Variants in GPR158 observed in about 807,000 individuals in gnomAD.
GPR158 encodes the protein G protein-coupled receptor 158, also known as metabotropic glycine receptor.
A neutral mutation model predicts 78.2 loss-of-function variants in GPR158; 30 were observed. That is an observed-to-expected ratio of 0.38 (90% CI 0.29 to 0.52). GPR158 has a LOEUF of 0.52. GPR158 is among the 20% of genes least tolerant of loss of function. The pLI, the probability that GPR158 is intolerant of heterozygous loss-of-function variation, is 0.83. For missense variants in GPR158, 1,463 were observed against 1,523.5 expected (o/e 0.96, Z 0.66); for synonymous variants, 581 against 591.1 (o/e 0.98, Z 0.25).
intron 4 of GPR158, among the ~76,000 whole-genome samples, chr10:25,418,935 A>C (rs538936082): frequency 1.3e-5 from 2 of 151,542 alleles, no homozygotes; most frequent in Non-Finnish European, 2.9e-5. Context: ...TTTAATAACA[A>C]TGCTAATTTT....
intron 4 of GPR158, among the ~76,000 whole-genome samples, chr10:25,444,578 G>A (rs962537401): frequency 4.1e-5 from 6 of 147,886 alleles, no homozygotes; most frequent in African/African-American, 1.1e-4. Context: ...GTGTGGAGGA[G>A]TGTGTGGGAG....
intron 2 of GPR158, among the ~76,000 whole-genome samples, chr10:25,384,287 G>A (rs1041278244): frequency 2.0e-5 from 3 of 152,060 alleles, no homozygotes; most frequent in African/African-American, 4.8e-5. Context: ...TGAAAACTAA[G>A]CATAAGAACT....
intron 2 of GPR158, among the ~76,000 whole-genome samples, chr10:25,230,848 T>A (rs528644055): frequency 2.6e-5 from 4 of 152,236 alleles, no homozygotes; most frequent in Non-Finnish European, 4.4e-5. Context: ...CTGGAGAGGA[T>A]GTTGTAGACT....
chr10:25,485,208 G>A (rs574209197), intron 5 of GPR158, among the ~76,000 whole-genome samples: 1 of 151,926 alleles, frequency 6.6e-6, no homozygotes, highest in Admixed American at 6.6e-5. Flanking sequence ...AGGCTTAAAA[G>A]TACACTGAAA....
chr10:25,299,007 G>A (rs946532081), intron 2 of GPR158, among the ~76,000 whole-genome samples: 1 of 152,116 alleles, frequency 6.6e-6, no homozygotes, highest in African/African-American at 2.4e-5. Flanking sequence ...GTAGATTTTG[G>A]TGAGCAAAGA....
chr10:25,338,483 TACGTATAATATACG>T (rs1855251374), intron 2 of GPR158, among the ~76,000 whole-genome samples: 1 of 133,402 alleles, frequency 7.5e-6, no homozygotes, highest in Non-Finnish European at 1.6e-5. Context: ...ACGTATAATA[TACGTATAATATACG>T]TATATATATT....
intron 2 of GPR158, among the ~76,000 whole-genome samples, chr10:25,376,062 A>G (rs1052146863): frequency 6.6e-6 from 1 of 151,556 alleles, no homozygotes; most frequent in African/African-American, 2.4e-5. Context: ...CTTTAGCAGC[A>G]TTTTGTAATT....
chr10:25,417,967 A>G (rs1336710827), intron 4 of GPR158, among the ~76,000 whole-genome samples: 2 of 152,150 alleles, frequency 1.3e-5, no homozygotes, highest in Non-Finnish European at 2.9e-5. Context: ...CTAGAAATGG[A>G]CCATTTTGGA....
intron 2 of GPR158, among the ~76,000 whole-genome samples, chr10:25,368,076 G>A (rs28376640): frequency 6.6e-6 from 1 of 151,864 alleles, no homozygotes; most frequent in South Asian, 2.1e-4. Flanking sequence ...CATCTTTTAA[G>A]CTGACTTTTA....
chr10:25,460,265 G>A (rs1234377409), intron 4 of GPR158, among the ~76,000 whole-genome samples: 1 of 150,666 alleles, frequency 6.6e-6, no homozygotes, highest in Non-Finnish European at 1.5e-5. Flanking sequence ...ATAGTAGCTC[G>A]ATCTGGGCTC....
chr10:25,586,353 C>T (rs977812555), intron 7 of GPR158, among the ~76,000 whole-genome samples: 2 of 146,178 alleles, frequency 1.4e-5, no homozygotes, highest in African/African-American at 5.1e-5. Context: ...TCCTTTGGGA[C>T]AGGAATTATT....
At chr10:25,343,621 A>G (rs1855333280) in intron 2 of GPR158, among the ~76,000 whole-genome samples, 1 of 152,038 alleles carries the variant, frequency 6.6e-6, no homozygotes. Flanking sequence ...AAGATAATCT[A>G]AAGTGCTTTT....
chr10:25,364,811 A>G (rs1855694411), intron 2 of GPR158, among the ~76,000 whole-genome samples: 1 of 151,838 alleles, frequency 6.6e-6, no homozygotes, highest in East Asian at 1.9e-4. Context: ...TTTAAAATTT[A>G]TATTTCCGGT....
intron 2 of GPR158, among the ~76,000 whole-genome samples, chr10:25,377,368 G>T (rs903554072): frequency 2.0e-5 from 3 of 151,400 alleles, no homozygotes; most frequent in Non-Finnish European, 4.4e-5. Flanking sequence ...TTATTTTTTT[G>T]AAAACAGCTC....
intron 4 of GPR158, among the ~76,000 whole-genome samples, chr10:25,414,069 A>G (rs1834628994): frequency 6.6e-6 from 1 of 152,174 alleles, no homozygotes; most frequent in African/African-American, 2.4e-5. Context: ...TCTCTGATAT[A>G]ATGTAATTAA....
At chr10:25,505,061 A>C (rs1266955905) in intron 5 of GPR158, among the ~76,000 whole-genome samples, 1 of 152,236 alleles carries the variant, frequency 6.6e-6, no homozygotes, top group Admixed American at 6.5e-5. Flanking sequence ...CCTGCCTCAT[A>C]GAATTGTTAT....
At chr10:25,364,044 A>G (rs1227499203) in intron 2 of GPR158, among the ~76,000 whole-genome samples, 1 of 151,950 alleles carries the variant, frequency 6.6e-6, no homozygotes, top group African/African-American at 2.4e-5. Context: ...CCTAGCGTAT[A>G]ATAAGCACCA....
chr10:25,498,259 C>T (rs779057482), intron 5 of GPR158, among the ~76,000 whole-genome samples: 25 of 152,140 alleles, frequency 1.6e-4, no homozygotes, highest in Non-Finnish European at 3.1e-4. Flanking sequence ...CGACTTCTTT[C>T]GGAATAGATG....
At chr10:25,367,425 C>T (rs1344082240) in intron 2 of GPR158, among the ~76,000 whole-genome samples, 1 of 151,626 alleles carries the variant, frequency 6.6e-6, no homozygotes, top group African/African-American at 2.4e-5. Context: ...ACAATAAGCC[C>T]CCCAGTTTTC....
Sources: allele counts gnomAD v4.1 joint callset (sites outside exome capture counted in the v4.1 genomes callset), GRCh38; gene constraint gnomAD v4.1.1; transcripts MANE v1.5; gene names NCBI Gene and HGNC (gene_info 2026-07-23, HGNC 2026-07-21).